QTMAN: variants seen among roughly 807,000 people sequenced by gnomAD.
QTMAN encodes queuosine-tRNA mannosyltransferase.
chr2:144,006,469 AT>A, the QTMAN span: 1 of 152,172 alleles, frequency 6.6e-6, no homozygotes, highest in Admixed American at 6.5e-5. Flanking sequence ...ATCAGGCCAC[AT>A]GCAGATTAAA....
chr2:143,963,022 A>T, the QTMAN span, among the ~76,000 whole-genome samples: 21 of 152,174 alleles, frequency 1.4e-4, no homozygotes, highest in East Asian at 4.1e-3. Context: ...GTAAAATTAG[A>T]GAGTTTTCCC....
chr2:144,100,889 A>G, the QTMAN span, among the ~76,000 whole-genome samples: 1 of 30,908 alleles, frequency 3.2e-5, no homozygotes, highest in Non-Finnish European at 6.8e-5. Flanking sequence ...TTTTTTTTTG[A>G]GATGGAGTCC....
chr2:144,308,790 A>G, the QTMAN span, among the ~76,000 whole-genome samples: 3 of 152,200 alleles, frequency 2.0e-5, no homozygotes, highest in Non-Finnish European at 2.9e-5. Context: ...ATTACCAAAA[A>G]AAAAGAAAGA....
At chr2:144,196,786 G>C in the QTMAN span, among the ~76,000 whole-genome samples, 1 of 152,142 alleles carries the variant, frequency 6.6e-6, no homozygotes, top group Non-Finnish European at 1.5e-5. Flanking sequence ...ATCAAGTATA[G>C]TGACGAGCAG....
At chr2:144,260,594 A>G in the QTMAN span, among the ~76,000 whole-genome samples, 3 of 152,002 alleles carry the variant, frequency 2.0e-5, no homozygotes, top group Non-Finnish European at 4.4e-5. Flanking sequence ...TCATTCATTC[A>G]CTCATTTATT....
At chr2:144,031,271 T>G in the QTMAN span, among the ~76,000 whole-genome samples, 1 of 152,026 alleles carries the variant, frequency 6.6e-6, no homozygotes, top group East Asian at 1.9e-4. Context: ...GGACGAAAAT[T>G]CAAGGGCTTG....
At chr2:144,155,663 A>G in the QTMAN span, among the ~76,000 whole-genome samples, 2 of 152,140 alleles carry the variant, frequency 1.3e-5, no homozygotes, top group Non-Finnish European at 2.9e-5. Flanking sequence ...AGTGTAGTCT[A>G]AAATTATACA....
the QTMAN span, among the ~76,000 whole-genome samples, chr2:144,011,351 A>G: frequency 6.6e-6 from 1 of 152,084 alleles, no homozygotes; most frequent in African/African-American, 2.4e-5. Flanking sequence ...ACCATCCCAC[A>G]CAATCTATTC....
chr2:144,007,208 C>G, the QTMAN span: 1 of 1,603,438 alleles, frequency 6.2e-7, no homozygotes, highest in Non-Finnish European at 8.5e-7. Flanking sequence ...CAATGTGTAG[C>G]AGTCTTTGCT....
chr2:144,142,078 C>T, the QTMAN span: 1 of 1,580,146 alleles, frequency 6.3e-7, no homozygotes, highest in Non-Finnish European at 8.7e-7. Context: ...AAGACAAATG[C>T]AAATGATGAG....
the QTMAN span, among the ~76,000 whole-genome samples, chr2:144,273,940 C>A: frequency 1.6e-3 from 240 of 152,236 alleles, no homozygotes; most frequent in Non-Finnish European, 1.8e-3. Context: ...TCCAGACCAG[C>A]CTGGCCAACA....
chr2:144,077,390 CAA>C, the QTMAN span, among the ~76,000 whole-genome samples: 1 of 152,176 alleles, frequency 6.6e-6, no homozygotes, highest in Non-Finnish European at 1.5e-5. Context: ...TGGTAAAATG[CAA>C]AAGACATGAA....
the QTMAN span, among the ~76,000 whole-genome samples, chr2:144,024,790 C>G: frequency 6.6e-6 from 1 of 152,156 alleles, no homozygotes; most frequent in Non-Finnish European, 1.5e-5. Flanking sequence ...CTACATAGAA[C>G]ACTCCTTTGA....
At chr2:144,217,766 G>A in the QTMAN span, among the ~76,000 whole-genome samples, 1 of 152,040 alleles carries the variant, frequency 6.6e-6, no homozygotes, top group South Asian at 2.1e-4. Context: ...AAACAATACT[G>A]AAGATTCACA....
the QTMAN span, among the ~76,000 whole-genome samples, chr2:144,117,119 C>G: frequency 1.3e-5 from 2 of 151,450 alleles, no homozygotes; most frequent in African/African-American, 4.9e-5. Flanking sequence ...AATAAATGCC[C>G]ATTCCTTCCT....
chr2:144,224,022 T>G, the QTMAN span, among the ~76,000 whole-genome samples: 1 of 152,348 alleles, frequency 6.6e-6, no homozygotes, highest in East Asian at 1.9e-4. Flanking sequence ...ACTCAAAATA[T>G]TCTATTTTCA....
At chr2:144,015,310 T>C in the QTMAN span, among the ~76,000 whole-genome samples, 1 of 152,220 alleles carries the variant, frequency 6.6e-6, no homozygotes, top group South Asian at 2.1e-4. Context: ...TCAACACAGT[T>C]TGGCAGAGCC....
chr2:144,161,279 A>G, the QTMAN span, among the ~76,000 whole-genome samples: 1 of 152,182 alleles, frequency 6.6e-6, no homozygotes, highest in East Asian at 1.9e-4. Flanking sequence ...TATACAATGG[A>G]AATGATATAT....
At chr2:144,059,486 G>C in the QTMAN span, among the ~76,000 whole-genome samples, 1 of 152,166 alleles carries the variant, frequency 6.6e-6, no homozygotes, top group East Asian at 1.9e-4. Context: ...GTTAAATAAA[G>C]GATGAGTGAG....
Sources: gnomAD v4.1 joint callset for allele counts (sites outside exome capture counted in the v4.1 genomes callset) on GRCh38, gnomAD v4.1.1 for gene constraint, MANE v1.5 for transcripts, NCBI Gene and HGNC (gene_info 2026-07-23, HGNC 2026-07-21) for gene names.